The following MBNL1 variants were observed in gnomAD, a reference collection of about 807,000 sequenced individuals.
The protein encoded by MBNL1 is muscleblind-like protein 1.
MBNL1 carries 8 observed loss-of-function variants against 42.2 expected under a neutral mutation model. The observed-to-expected ratio is 0.19, with a 90% CI of 0.11 to 0.34. The LOEUF (loss-of-function observed/expected upper bound fraction) is 0.34. Among genes scored for constraint, MBNL1 ranks in the 10% least tolerant of loss-of-function variants. The pLI is 1.00. For missense variants in MBNL1, 309 were observed against 495.3 expected (o/e 0.62, Z 3.57); for synonymous variants, 169 against 173.9 (o/e 0.97, Z 0.22).
intron 2 of MBNL1, among the ~76,000 whole-genome samples, chr3:152,328,569 C>CTTTAATTTATAAAT (rs1462977687): frequency 6.6e-6 from 1 of 151,932 alleles, no homozygotes; most frequent in Non-Finnish European, 1.5e-5. Flanking sequence ...TATTTTATAA[C>CTTTAATTTATAAAT]TAAAATTTAG....
At chr3:152,281,355 A>T (rs1268124740) in intron 1 of MBNL1, among the ~76,000 whole-genome samples, 1 of 152,098 alleles carries the variant, frequency 6.6e-6, no homozygotes, top group African/African-American at 2.4e-5. Flanking sequence ...TACTCATTGC[A>T]TGTAGATTTG....
At chr3:152,377,322 T>G (rs1314571502) in intron 2 of MBNL1, among the ~76,000 whole-genome samples, 3 of 152,188 alleles carry the variant, frequency 2.0e-5, no homozygotes, top group Non-Finnish European at 4.4e-5. Flanking sequence ...CTATACTGTC[T>G]GCAGAGACCT....
chr3:152,362,638 T>C (rs2096062542), intron 2 of MBNL1, among the ~76,000 whole-genome samples: 1 of 152,178 alleles, frequency 6.6e-6, no homozygotes, highest in South Asian at 2.1e-4. Flanking sequence ...CTAGCATCTC[T>C]GGCCTCCACC....
chr3:152,412,615 C>T (rs557765660), intron 2 of MBNL1, among the ~76,000 whole-genome samples: 25 of 152,254 alleles, frequency 1.6e-4, no homozygotes, highest in African/African-American at 6.0e-4. Context: ...AAAGTCTGAG[C>T]GTCTTGTAAA....
In MBNL1 at chr3:152,290,671, G is replaced by A. The variant is rs150984588; in HGVS notation, c.-789-8734G>A. ...TTAGGCAGAGGTGCCACCAACCTCA[G>A]CAAGAAGCTTGGTGATGTTCAGAAG... On this transcript the variant is annotated intron_variant, in intron 1 of 9. Transcript: ENST00000324210. Among the ~76,000 whole-genome samples the A allele has an allele frequency of 2.8e-3, 420 of 152,276 alleles. 4 individuals carry two copies. Among genetic ancestry groups the A allele is most frequent in the Middle Eastern group, 0.014 (4 of 294 alleles).
chr3:152,397,449 T>C (rs1055150111), intron 2 of MBNL1, among the ~76,000 whole-genome samples: 1 of 152,152 alleles, frequency 6.6e-6, no homozygotes, highest in African/African-American at 2.4e-5. Context: ...CACTTGAGAA[T>C]GTGCAGTGTT....
chr3:152,416,824 T>G (rs1356961596), intron 3 of MBNL1, among the ~76,000 whole-genome samples: 3 of 152,232 alleles, frequency 2.0e-5, no homozygotes, highest in Non-Finnish European at 4.4e-5. Context: ...AACAAATATA[T>G]TGTTCGTGAA....
At chr3:152,271,225 A>G (rs899015732) in intron 1 of MBNL1, among the ~76,000 whole-genome samples, 26 of 152,178 alleles carry the variant, frequency 1.7e-4, no homozygotes, top group African/African-American at 5.8e-4. Context: ...TTTGATTCCA[A>G]CATTCTGTTC....
chr3:152,275,684 G>T (rs2044626038), intron 1 of MBNL1, among the ~76,000 whole-genome samples: 1 of 124,962 alleles, frequency 8.0e-6, no homozygotes, highest in South Asian at 2.5e-4. Flanking sequence ...CTCCAGTCTG[G>T]CAACAGAGCA....
chr3:152,317,624 T>C (rs2072893612), intron 2 of MBNL1, among the ~76,000 whole-genome samples: 1 of 152,120 alleles, frequency 6.6e-6, no homozygotes, highest in Non-Finnish European at 1.5e-5. Flanking sequence ...CTGGCCTATT[T>C]TTTGTTTTAT....
At chr3:152,383,809 TGGAAG>T (rs753596992) in intron 2 of MBNL1, among the ~76,000 whole-genome samples, 1,566 of 152,204 alleles carry the variant, frequency 0.01, 10 homozygotes, top group Non-Finnish European at 0.015. Context: ...ATGATTAATG[TGGAAG>T]GGTACGTCTT....
chr3:152,269,481 C>T (rs1236393964), intron 1 of MBNL1: 2 of 453,918 alleles, frequency 4.4e-6, no homozygotes, highest in African/African-American at 2.0e-5. Context: ...TCGAGCGGCG[C>T]GCGGGTCTTC....
chr3:152,259,788 T>A (rs2035968170), intron 2 of MBNL1, among the ~76,000 whole-genome samples: 1 of 152,246 alleles, frequency 6.6e-6, no homozygotes, highest in Non-Finnish European at 1.5e-5. Context: ...AAGAATTCAA[T>A]GTGCACATGT....
chr3:152,428,380 C>T (rs904486362), intron 3 of MBNL1, among the ~76,000 whole-genome samples: 1 of 152,128 alleles, frequency 6.6e-6, no homozygotes, highest in African/African-American at 2.4e-5. Flanking sequence ...TAAACACTGG[C>T]AGTGGTATAT....
chr3:152,342,553 AACACAC>A (rs111644138), intron 2 of MBNL1, among the ~76,000 whole-genome samples: 49 of 146,110 alleles, frequency 3.4e-4, no homozygotes, highest in South Asian at 2.7e-3. Context: ...AACTAAACAA[AACACAC>A]ACACACACAC....
At chr3:152,277,639 A>G (rs2046037142) in intron 1 of MBNL1, among the ~76,000 whole-genome samples, 1 of 152,156 alleles carries the variant, frequency 6.6e-6, no homozygotes, top group Admixed American at 6.6e-5. Flanking sequence ...TATTTCAAAT[A>G]GAATAGAAAG....
chr3:152,432,444 A>T (rs1387755438), intron 3 of MBNL1, among the ~76,000 whole-genome samples: 2 of 152,244 alleles, frequency 1.3e-5, no homozygotes, highest in African/African-American at 4.8e-5. Flanking sequence ...TCAAAAAAAA[A>T]ATACAAGTAT....
chr3:152,306,780 G>A (rs930009754), intron 2 of MBNL1, among the ~76,000 whole-genome samples: 2 of 152,128 alleles, frequency 1.3e-5, no homozygotes, highest in African/African-American at 4.8e-5. Context: ...TCAGAATTAA[G>A]TAAATCTCTC....
chr3:152,451,542 A>G (rs528376119), intron 6 of MBNL1, among the ~76,000 whole-genome samples: 21 of 152,210 alleles, frequency 1.4e-4, no homozygotes, highest in Admixed American at 6.5e-4. Flanking sequence ...CATTGATTGT[A>G]TGCCACATGG....
Sources: allele counts gnomAD v4.1 joint callset (sites outside exome capture counted in the v4.1 genomes callset), GRCh38; gene constraint gnomAD v4.1.1; transcripts MANE v1.5; gene names NCBI Gene and HGNC (gene_info 2026-07-23, HGNC 2026-07-21).